The following LINGO2 variants were observed in gnomAD, a reference collection of about 807,000 sequenced individuals.
LINGO2 encodes the protein leucine-rich repeat and immunoglobulin-like domain-containing nogo receptor-interacting protein 2.
LINGO2 carries 14 observed loss-of-function variants against 30.6 expected under a neutral mutation model. That is an observed-to-expected ratio of 0.46 (90% CI 0.30 to 0.72). The LOEUF (loss-of-function observed/expected upper bound fraction) is 0.72, where lower values mean the gene tolerates loss of function less well. Among genes scored for constraint, LINGO2 ranks in the 30% least tolerant of loss-of-function variants. The pLI, the probability that LINGO2 is intolerant of heterozygous loss-of-function variation, is 0.07. For synonymous variants in LINGO2, 317 were observed against 288.5 expected (o/e 1.10, Z -1.00); for missense variants, 729 against 751.7 (o/e 0.97, Z 0.35).
chr9:28,867,458 G>A, the LINGO2 span, among the ~76,000 whole-genome samples: 30 of 151,062 alleles, frequency 2.0e-4, no homozygotes, highest in South Asian at 1.5e-3. Flanking sequence ...CTAAATATGT[G>A]GCAGGCTCTA....
intron 2 of LINGO2, among the ~76,000 whole-genome samples, chr9:28,467,278 C>T (rs906647518): frequency 1.3e-5 from 2 of 152,036 alleles, no homozygotes; most frequent in African/African-American, 2.4e-5. Flanking sequence ...CTGCCCTCCT[C>T]GGCCTCCCAA....
chr9:28,252,621 T>C (rs1006793294), intron 4 of LINGO2, among the ~76,000 whole-genome samples: 1 of 151,998 alleles, frequency 6.6e-6, no homozygotes, highest in East Asian at 1.9e-4. Flanking sequence ...AGAGCAATCA[T>C]ATGAAAATAT....
chr9:28,017,992 A>G (rs920124665), intron 4 of LINGO2, among the ~76,000 whole-genome samples: 4 of 152,188 alleles, frequency 2.6e-5, no homozygotes, highest in African/African-American at 9.6e-5. Context: ...ACAGCATGGT[A>G]TTGGAACAGA....
At chr9:28,961,624 A>AGGTTT in the LINGO2 span, among the ~76,000 whole-genome samples, 1 of 152,292 alleles carries the variant, frequency 6.6e-6, no homozygotes, top group Non-Finnish European at 1.5e-5. Context: ...TCCTGTAATG[A>AGGTTT]AAAGTCTGAA....
At chr9:28,645,655 AC>A (rs1410492557) in intron 1 of LINGO2, among the ~76,000 whole-genome samples, 4 of 152,112 alleles carry the variant, frequency 2.6e-5, no homozygotes, top group African/African-American at 9.7e-5. Context: ...AAAAAATAAG[AC>A]AAGTAATTGA....
the LINGO2 span, among the ~76,000 whole-genome samples, chr9:28,714,164 AATATAT>A: frequency 8.5e-5 from 10 of 117,168 alleles, no homozygotes; most frequent in South Asian, 2.9e-4. Context: ...TGCCTCAAAT[AATATAT>A]ATATATATAT....
chr9:28,835,543 A>T, the LINGO2 span, among the ~76,000 whole-genome samples: 5 of 152,206 alleles, frequency 3.3e-5, no homozygotes, highest in African/African-American at 7.2e-5. Context: ...CTAAAGAGAG[A>T]CAAATAAATG....
At chr9:28,343,762 T>C (rs1819455527) in intron 3 of LINGO2, among the ~76,000 whole-genome samples, 1 of 152,156 alleles carries the variant, frequency 6.6e-6, no homozygotes, top group South Asian at 2.1e-4. Context: ...TCACCATTTC[T>C]ATAGGACACA....
At chr9:29,189,686 G>C in the LINGO2 span, among the ~76,000 whole-genome samples, 7 of 152,196 alleles carry the variant, frequency 4.6e-5, no homozygotes, top group South Asian at 1.5e-3. Context: ...GTTGTAGCGA[G>C]CCGAGATCAC....
chr9:28,711,086 C>G, the LINGO2 span, among the ~76,000 whole-genome samples: 1 of 151,884 alleles, frequency 6.6e-6, no homozygotes, highest in African/African-American at 2.4e-5. Context: ...TCCCTACTAC[C>G]TTGAGCTTCA....
intron 1 of LINGO2, among the ~76,000 whole-genome samples, chr9:28,558,298 G>T (rs1822859297): frequency 6.6e-6 from 1 of 151,816 alleles, no homozygotes. Context: ...ATTCCCTACA[G>T]AAGATTCATA....
intron 4 of LINGO2, among the ~76,000 whole-genome samples, chr9:28,054,721 AAACCCAAT>A (rs1824839322): frequency 6.6e-6 from 1 of 152,122 alleles, no homozygotes; most frequent in African/African-American, 2.4e-5. Flanking sequence ...TTTAAGTTAA[AAACCCAAT>A]AGCTTATATT....
chr9:28,438,978 GAAA>G (rs1477660992), intron 2 of LINGO2, among the ~76,000 whole-genome samples: 2 of 145,414 alleles, frequency 1.4e-5, no homozygotes, highest in African/African-American at 2.5e-5. Flanking sequence ...TATATATAAT[GAAA>G]TATAGATAAT....
intron 3 of LINGO2, among the ~76,000 whole-genome samples, chr9:28,334,317 A>G (rs1825519315): frequency 6.6e-6 from 1 of 152,202 alleles, no homozygotes; most frequent in Non-Finnish European, 1.5e-5. Flanking sequence ...ATGGCAAACT[A>G]GGGAACTAAA....
chr9:28,270,140 C>T (rs566642033), intron 4 of LINGO2, among the ~76,000 whole-genome samples: 1 of 152,236 alleles, frequency 6.6e-6, no homozygotes, highest in African/African-American at 2.4e-5. Context: ...GGCAAAGTGA[C>T]AGAAACAATG....
chr9:28,816,286 T>C, the LINGO2 span, among the ~76,000 whole-genome samples: 1 of 152,200 alleles, frequency 6.6e-6, no homozygotes, highest in Non-Finnish European at 1.5e-5. Flanking sequence ...AAATCTTAAA[T>C]GAAAAGATTG....
chr9:28,265,820 G>A (rs994150232), intron 4 of LINGO2, among the ~76,000 whole-genome samples: 1 of 151,974 alleles, frequency 6.6e-6, no homozygotes, highest in African/African-American at 2.4e-5. Context: ...AACAAAAGTA[G>A]AGGTCTTATT....
chr9:28,062,580 CAAAT>C (rs1261131125), intron 4 of LINGO2, among the ~76,000 whole-genome samples: 6 of 140,778 alleles, frequency 4.3e-5, no homozygotes, highest in Non-Finnish European at 6.0e-5. Flanking sequence ...TATACACAAT[CAAAT>C]ATATATATTT....
intron 1 of LINGO2, among the ~76,000 whole-genome samples, chr9:28,647,879 C>T (rs950832183): frequency 6.9e-6 from 1 of 145,532 alleles, no homozygotes. Context: ...GATGATATTT[C>T]TTTTTCTTTC....
Sources: allele counts gnomAD v4.1 joint callset (sites outside exome capture counted in the v4.1 genomes callset), GRCh38; gene constraint gnomAD v4.1.1; transcripts MANE v1.5; gene names NCBI Gene and HGNC (gene_info 2026-07-23, HGNC 2026-07-21).